Variants in ZNF536 observed in about 807,000 individuals in gnomAD.
The protein encoded by ZNF536 is zinc finger protein 536.
ZNF536 carries 13 observed loss-of-function variants against 84.5 expected under a neutral mutation model. The ratio of observed to expected loss-of-function variants is 0.15; its 90% CI spans 0.10 to 0.24. The LOEUF (loss-of-function observed/expected upper bound fraction) is 0.24, where lower values mean the gene tolerates loss of function less well. Ranked by LOEUF, ZNF536 falls within the 10% of genes least tolerant of loss-of-function variation. The pLI is 1.00. For missense variants in ZNF536, 1,536 were observed against 1,747.5 expected, an observed-to-expected ratio of 0.88 and a Z score of 2.16; for synonymous variants, 811 against 742.5, an observed-to-expected ratio of 1.09 and a Z score of -1.50.
At chr19:30,644,377 T>A (rs571271453) in intron 1 of ZNF536, among the ~76,000 whole-genome samples, 63 of 152,260 alleles carry the variant, frequency 4.1e-4, no homozygotes, top group Non-Finnish European at 4.3e-4. Flanking sequence ...CTTTTTTTTT[T>A]AATTATACTT....
intron 1 of ZNF536, among the ~76,000 whole-genome samples, chr19:30,252,257 T>A (rs2024653926): frequency 6.6e-6 from 1 of 152,130 alleles, no homozygotes; most frequent in Non-Finnish European, 1.5e-5. Context: ...ACCACCCTAC[T>A]CCTGCAAGAA....
intron 1 of ZNF536, among the ~76,000 whole-genome samples, chr19:30,627,754 G>A (rs1032046505): frequency 4.6e-5 from 7 of 152,174 alleles, no homozygotes; most frequent in East Asian, 3.9e-4. Flanking sequence ...ATTTTCCTGC[G>A]TTGACCTTCC....
At chr19:30,586,672 A>T (rs1177168788) in intron 1 of ZNF536, among the ~76,000 whole-genome samples, 1 of 152,210 alleles carries the variant, frequency 6.6e-6, no homozygotes, top group East Asian at 1.9e-4. Context: ...ACCTTCTGGA[A>T]ATTAATTACA....
intron 1 of ZNF536, among the ~76,000 whole-genome samples, chr19:30,407,071 A>T (rs1235841196): frequency 1.3e-5 from 2 of 151,966 alleles, no homozygotes; most frequent in African/African-American, 4.8e-5. Context: ...TTGCTCACTT[A>T]TTACTGGGGT....
intron 1 of ZNF536, among the ~76,000 whole-genome samples, chr19:30,700,383 C>T (rs1243691458): frequency 1.4e-5 from 2 of 145,618 alleles, no homozygotes; most frequent in Admixed American, 1.4e-4. Flanking sequence ...TCTTACTTTC[C>T]TTCCTTCCTT....
intron 1 of ZNF536, among the ~76,000 whole-genome samples, chr19:30,636,401 T>TC (rs908875400): frequency 1.3e-5 from 2 of 152,160 alleles, no homozygotes; most frequent in Non-Finnish European, 2.9e-5. Flanking sequence ...CCCATCCTCA[T>TC]GAGGCCCTTG....
At chr19:30,541,932 A>G (rs909262133) in intron 3 of ZNF536, among the ~76,000 whole-genome samples, 2 of 152,178 alleles carry the variant, frequency 1.3e-5, no homozygotes, top group Non-Finnish European at 2.9e-5. Flanking sequence ...TGTACAATTT[A>G]TATTAATGTA....
At chr19:30,234,498 T>G (rs559029276) in intron 1 of ZNF536, among the ~76,000 whole-genome samples, 1 of 145,306 alleles carries the variant, frequency 6.9e-6, no homozygotes, top group African/African-American at 2.6e-5. Flanking sequence ...GCCTCCCAGG[T>G]TCAAGGGGTC....
At chr19:30,622,466 C>G (rs897118628) in intron 1 of ZNF536, among the ~76,000 whole-genome samples, 1 of 152,218 alleles carries the variant, frequency 6.6e-6, no homozygotes, top group Non-Finnish European at 1.5e-5. Flanking sequence ...ACCGGTGGGT[C>G]AGAAGTGGCC....
At chr19:30,533,864 GA>G (rs767106963) in intron 2 of ZNF536, among the ~76,000 whole-genome samples, 2 of 152,210 alleles carry the variant, frequency 1.3e-5, no homozygotes, top group Non-Finnish European at 2.9e-5. Context: ...CATGATTCTG[GA>G]AGAAAAGTGA....
At chr19:30,457,556 C>T (rs570933000) in intron 2 of ZNF536, among the ~76,000 whole-genome samples, 7 of 152,332 alleles carry the variant, frequency 4.6e-5, no homozygotes, top group Admixed American at 1.3e-4. Flanking sequence ...GGGGCCTCCC[C>T]GAGGGAGAGC....
chr19:30,397,828 A>G (rs1003051401), intron 1 of ZNF536, among the ~76,000 whole-genome samples: 1 of 152,212 alleles, frequency 6.6e-6, no homozygotes, highest in Non-Finnish European at 1.5e-5. Context: ...TTCAGAAATA[A>G]ATAGGCATGA....
chr19:30,440,906 G>C (rs1020417462), intron 1 of ZNF536, among the ~76,000 whole-genome samples: 7 of 150,752 alleles, frequency 4.6e-5, no homozygotes, highest in Non-Finnish European at 5.9e-5. Context: ...TAGATAGATA[G>C]ATAGATAGAT....
chr19:30,569,265 C>T (rs531613908), intron 1 of ZNF536, among the ~76,000 whole-genome samples: 1 of 152,122 alleles, frequency 6.6e-6, no homozygotes, highest in African/African-American at 2.4e-5. Flanking sequence ...GGTTAGAAGA[C>T]CCCATAGCCA....
At chr19:30,288,983 G>C (rs2045740914) in intron 2 of ZNF536, among the ~76,000 whole-genome samples, 1 of 152,120 alleles carries the variant, frequency 6.6e-6, no homozygotes, top group African/African-American at 2.4e-5. Context: ...GCATCCCTTG[G>C]GACCTTGGTT....
At chr19:30,649,721 A>C (rs967100650) in intron 1 of ZNF536, among the ~76,000 whole-genome samples, 1 of 152,146 alleles carries the variant, frequency 6.6e-6, no homozygotes, top group Admixed American at 6.5e-5. Flanking sequence ...GAAGCCCGAG[A>C]GTCATCCTAA....
chr19:30,505,890 C>T (rs1568494912), intron 2 of ZNF536, among the ~76,000 whole-genome samples: 1 of 151,916 alleles, frequency 6.6e-6, no homozygotes, highest in Non-Finnish European at 1.5e-5. Context: ...GGTCTCAAAC[C>T]CTTGACCTGA....
chr19:30,436,470 A>G (rs1393143138), intron 1 of ZNF536: 1 of 893,548 alleles, frequency 1.1e-6, no homozygotes, highest in African/African-American at 3.8e-5. Flanking sequence ...ATTGTAAGAG[A>G]TCAAAAAAAA....
intron 2 of ZNF536, among the ~76,000 whole-genome samples, chr19:30,306,990 A>AT (rs1359079114): frequency 6.6e-6 from 1 of 152,008 alleles, no homozygotes; most frequent in African/African-American, 2.4e-5. Flanking sequence ...AAAAAATTAT[A>AT]TTTTTATATA....
Sources: gnomAD v4.1 joint callset for allele counts (sites outside exome capture counted in the v4.1 genomes callset) on GRCh38, gnomAD v4.1.1 for gene constraint, MANE v1.5 for transcripts, NCBI Gene and HGNC (gene_info 2026-07-23, HGNC 2026-07-21) for gene names.